The following CTNNA2 variants were observed in gnomAD, a reference collection of about 807,000 sequenced individuals.
CTNNA2 encodes the protein catenin alpha 2.
CTNNA2 carries 42 observed loss-of-function variants against 101.0 expected under a neutral mutation model. The ratio of observed to expected loss-of-function variants is 0.42; its 90% CI spans 0.32 to 0.54. The LOEUF is 0.54. CTNNA2 is among the 20% of genes least tolerant of loss of function. CTNNA2 has a pLI of 0.14. For missense variants in CTNNA2, 871 were observed against 1,223.1 expected (o/e 0.71, Z 4.29); for synonymous variants, 450 against 456.4 (o/e 0.99, Z 0.18).
In CTNNA2 at chr2:79,850,160, C is replaced by T. The variant is rs186669079; in HGVS notation, c.299-7853C>T. 3.2e-4 allele frequency among the ~76,000 whole-genome samples: 48 copies of T among 151,424 alleles called. 1 individual carries two copies. In the East Asian group the frequency reaches 4.5e-3, roughly 14 times the overall value. Reference sequence around the variant, plus strand: ...TCCTTGTTCCTTCCCTTCCTCCCTCCTACCCTCCCTTCCTCCATCCTTCCC... The same window carrying T: ...TCCTTGTTCCTTCCCTTCCTCCCTCTTACCCTCCCTTCCTCCATCCTTCCC... On this transcript the variant is annotated intron_variant, in intron 3 of 18. Transcript: ENST00000402739.
Position 80,332,828 on chromosome 2 carries a change from A to G in CTNNA2, c.1057-60383A>G, listed in dbSNP as rs557382285. On this transcript the variant is annotated intron_variant, in intron 7 of 18. Coordinates refer to ENST00000402739, the MANE Select transcript of CTNNA2 (RefSeq NM_001282597.3). ...TCCTCCATCTCAGGGGAATGAATATACTGGTCCAGGGTTCAGTGGCCCTAA... is the reference window on the plus strand; with the variant it reads ...TCCTCCATCTCAGGGGAATGAATATGCTGGTCCAGGGTTCAGTGGCCCTAA... Among the ~76,000 whole-genome samples, 7 of 152,294 alleles carry G rather than the reference A, an allele frequency of 4.6e-5. No individual in the cohort carries two copies. In the East Asian group the frequency reaches 7.7e-4, roughly 17 times the overall value.
chr2:79,854,160 G>A (rs1680950475), intron 3 of CTNNA2, among the ~76,000 whole-genome samples: 1 of 152,078 alleles, frequency 6.6e-6, no homozygotes, highest in Non-Finnish European at 1.5e-5. Flanking sequence ...CAAACAATAA[G>A]TACTTTTATT....
intron 17 of CTNNA2, among the ~76,000 whole-genome samples, chr2:80,609,005 A>C (rs1171435792): frequency 2.0e-5 from 3 of 151,870 alleles, no homozygotes; most frequent in African/African-American, 7.2e-5. Context: ...CAAGATTTCC[A>C]AATATGTGTT....
intron 4 of CTNNA2, among the ~76,000 whole-genome samples, chr2:79,389,700 G>A (rs549476965): frequency 6.6e-6 from 1 of 152,226 alleles, no homozygotes; most frequent in African/African-American, 2.4e-5. Context: ...ATTGGCTTAG[G>A]ATTTTTAAAC....
At chr2:79,327,348 T>C (rs981181011) in intron 3 of CTNNA2, among the ~76,000 whole-genome samples, 2 of 152,178 alleles carry the variant, frequency 1.3e-5, no homozygotes, top group Non-Finnish European at 2.9e-5. Flanking sequence ...TCAGTTGCCA[T>C]AACCCTTGGA....
rs117495898 is a variant in CTNNA2 at position 79,488,258 on chromosome 2, T to C, written c.-134-16796T>C. Among the ~76,000 whole-genome samples, 1,893 of 138,138 alleles carry C rather than the reference T, an allele frequency of 0.014. 81 individuals are homozygous for C. In the East Asian group the frequency reaches 0.15, roughly 11 times the overall value. 90.6% of individuals were successfully genotyped at this position (138,138 alleles called of 152,430 possible). ...ACTTGAATTCGGGAGGCAGTGTTTG[T>C]GGTGAGCTGAGATTGCGCCATTGAA... On this transcript the variant is annotated intron_variant, in intron 4 of 21. Transcript: ENST00000466387.
chr2:80,604,660 GC>G (rs745496825), intron 16 of CTNNA2, among the ~76,000 whole-genome samples: 3 of 151,648 alleles, frequency 2.0e-5, no homozygotes, highest in Non-Finnish European at 4.4e-5. Flanking sequence ...ATTTTCTGTT[GC>G]CCCCAGGAAA....
At chr2:79,462,590 T>C (rs543121853) in intron 4 of CTNNA2, among the ~76,000 whole-genome samples, 2 of 152,312 alleles carry the variant, frequency 1.3e-5, no homozygotes, top group African/African-American at 4.8e-5. Flanking sequence ...GCTATGTCAG[T>C]ATAGGAAATG....
intron 1 of CTNNA2, among the ~76,000 whole-genome samples, chr2:79,636,287 A>AG (rs1330838073): frequency 7.6e-6 from 1 of 131,862 alleles, no homozygotes. Flanking sequence ...AAAAAAAAAA[A>AG]AAAAAAAAAA....
intron 9 of CTNNA2, among the ~76,000 whole-genome samples, chr2:80,451,135 T>C (rs1274031664): frequency 1.3e-5 from 2 of 152,142 alleles, no homozygotes; most frequent in African/African-American, 4.8e-5. Context: ...TTAAGAGTCA[T>C]GTCTTATAAT....
chr2:80,138,300 T>C (rs951481668), intron 7 of CTNNA2, among the ~76,000 whole-genome samples: 11 of 152,120 alleles, frequency 7.2e-5, no homozygotes, highest in Admixed American at 2.0e-4. Context: ...CAGTTAATGA[T>C]TGACAGCATC....
At chr2:80,353,745 A>G (rs147546331) in intron 7 of CTNNA2, among the ~76,000 whole-genome samples, 2 of 152,290 alleles carry the variant, frequency 1.3e-5, no homozygotes, top group East Asian at 3.9e-4. Context: ...ATCGAATGAG[A>G]TAACCCAGGT....
chr2:80,362,490 A>G (rs1674506485), intron 7 of CTNNA2, among the ~76,000 whole-genome samples: 1 of 152,140 alleles, frequency 6.6e-6, no homozygotes, highest in South Asian at 2.1e-4. Flanking sequence ...GGGAGTAATA[A>G]CACTCTTAAT....
intron 7 of CTNNA2, among the ~76,000 whole-genome samples, chr2:79,943,849 G>T (rs1010511553): frequency 2.8e-4 from 43 of 152,168 alleles, no homozygotes; most frequent in African/African-American, 9.4e-4. Context: ...AACCAAAATT[G>T]ATAATTCTGC....
chr2:80,336,068 T>C (rs1260831628), intron 7 of CTNNA2, among the ~76,000 whole-genome samples: 2 of 152,182 alleles, frequency 1.3e-5, no homozygotes, highest in Non-Finnish European at 2.9e-5. Flanking sequence ...TACTCATGTC[T>C]TAGTTCATTT....
At chr2:79,923,802 A>C (rs1046311943) in intron 7 of CTNNA2, among the ~76,000 whole-genome samples, 1 of 152,082 alleles carries the variant, frequency 6.6e-6, no homozygotes, top group African/African-American at 2.4e-5. Flanking sequence ...TTTCTATGGG[A>C]TCCGCTTTTG....
At chr2:80,062,760 C>T (rs1451278706) in intron 7 of CTNNA2, among the ~76,000 whole-genome samples, 1 of 141,208 alleles carries the variant, frequency 7.1e-6, no homozygotes, top group Non-Finnish European at 1.5e-5. Flanking sequence ...GGCTGGAGTG[C>T]AGTGGCACTA....
intron 2 of CTNNA2, among the ~76,000 whole-genome samples, chr2:79,743,125 A>G (rs1318463725): frequency 1.3e-5 from 2 of 152,180 alleles, no homozygotes; most frequent in African/African-American, 2.4e-5. Flanking sequence ...GCTAACCAGG[A>G]TAAATATCAA....
At chr2:80,031,176 C>CA (rs937113991) in intron 7 of CTNNA2, among the ~76,000 whole-genome samples, 18 of 150,508 alleles carry the variant, frequency 1.2e-4, no homozygotes, top group Admixed American at 2.0e-4. Context: ...TCATTTCTGC[C>CA]AAAAAAAAGT....
Sources: allele counts gnomAD v4.1 joint callset (sites outside exome capture counted in the v4.1 genomes callset), GRCh38; gene constraint gnomAD v4.1.1; transcripts MANE v1.5; gene names NCBI Gene and HGNC (gene_info 2026-07-23, HGNC 2026-07-21).